Variants in CFAP299 observed in about 807,000 individuals in gnomAD.
CFAP299 encodes cilia and flagella associated protein 299, also known as cilia- and flagella-associated protein 299.
CFAP299 carries 21 observed loss-of-function variants against 27.0 expected under a neutral mutation model. That is an observed-to-expected ratio of 0.78 (90% CI 0.55 to 1.12). The LOEUF (loss-of-function observed/expected upper bound fraction) is 1.12, where lower values mean the gene tolerates loss of function less well. CFAP299 is among the 50% of genes most tolerant of loss of function. The pLI is 0.00. For missense variants in CFAP299, 310 were observed against 276.6 expected, an observed-to-expected ratio of 1.12 and a Z score of -0.86; for synonymous variants, 104 against 98.1, an observed-to-expected ratio of 1.06 and a Z score of -0.36.
intron 3 of CFAP299, among the ~76,000 whole-genome samples, chr4:80,800,590 TA>T (rs1728492723): frequency 1.1e-5 from 1 of 91,964 alleles, no homozygotes; most frequent in Non-Finnish European, 1.9e-5. Flanking sequence ...ATATAATATA[TA>T]ATATATTAAT....
At chr4:80,954,836 A>G (rs1033661104) in intron 5 of CFAP299, among the ~76,000 whole-genome samples, 2 of 151,404 alleles carry the variant, frequency 1.3e-5, no homozygotes, top group Non-Finnish European at 2.9e-5. Context: ...TGTCTCTACT[A>G]AAAAATACAA....
chr4:80,451,002 T>C (rs1345531579), intron 2 of CFAP299, among the ~76,000 whole-genome samples: 1 of 151,928 alleles, frequency 6.6e-6, no homozygotes, highest in Non-Finnish European at 1.5e-5. Flanking sequence ...ATCCAGCCTA[T>C]GATCACATTC....
intron 4 of CFAP299, among the ~76,000 whole-genome samples, chr4:80,891,790 A>AAAT (rs775460021): frequency 0.041 from 3,591 of 87,650 alleles, 145 homozygotes; most frequent in East Asian, 0.14. Flanking sequence ...AAAAAAAAAT[A>AAAT]AAAAAAAAAA....
At chr4:80,505,427 A>C (rs1416716177) in intron 2 of CFAP299, among the ~76,000 whole-genome samples, 2 of 152,240 alleles carry the variant, frequency 1.3e-5, no homozygotes, top group Non-Finnish European at 2.9e-5. Flanking sequence ...AGACAATGGC[A>C]TAAAATTTTA....
chr4:80,639,656 C>A (rs1243777223), intron 3 of CFAP299: 1 of 151,386 alleles, frequency 6.6e-6, no homozygotes, highest in Non-Finnish European at 1.5e-5. Context: ...GGGAAGAATG[C>A]AGAGTTATGT....
intron 3 of CFAP299, among the ~76,000 whole-genome samples, chr4:80,863,970 T>C (rs1018048952): frequency 2.0e-5 from 3 of 152,034 alleles, no homozygotes; most frequent in African/African-American, 7.2e-5. Flanking sequence ...GAAAAGAGAC[T>C]CTATAGAGAT....
intron 3 of CFAP299, among the ~76,000 whole-genome samples, chr4:80,844,062 G>T (rs1731023350): frequency 6.6e-6 from 1 of 152,064 alleles, no homozygotes; most frequent in Non-Finnish European, 1.5e-5. Flanking sequence ...CTTCATCCAT[G>T]TCTCTACAAA....
At chr4:80,734,474 G>A (rs903666369) in intron 3 of CFAP299, among the ~76,000 whole-genome samples, 3 of 152,038 alleles carry the variant, frequency 2.0e-5, no homozygotes, top group Non-Finnish European at 1.5e-5. Context: ...AACTTGATGT[G>A]ATCCCGTTTG....
At chr4:80,455,712 C>T (rs922795082) in intron 2 of CFAP299, among the ~76,000 whole-genome samples, 2 of 151,974 alleles carry the variant, frequency 1.3e-5, no homozygotes, top group African/African-American at 4.8e-5. Flanking sequence ...CTTAAAATAC[C>T]TTTAAGGTTT....
At chr4:80,362,648 T>A (rs1265709511) in intron 1 of CFAP299, 106 bp from the exon 2 acceptor site, 1 of 1,200,974 alleles carries the variant, frequency 8.3e-7, no homozygotes, top group African/African-American at 1.5e-5. Context: ...TAATTTTTCA[T>A]TTAAAGCAAT....
At chr4:80,664,453 C>G (rs899727575) in intron 3 of CFAP299, among the ~76,000 whole-genome samples, 6 of 152,144 alleles carry the variant, frequency 3.9e-5, no homozygotes, top group African/African-American at 1.4e-4. Context: ...GAGGAGGAAT[C>G]TAGAGAGGCA....
At chr4:80,841,046 A>C (rs1578172591) in intron 3 of CFAP299, among the ~76,000 whole-genome samples, 1 of 152,168 alleles carries the variant, frequency 6.6e-6, no homozygotes, top group Admixed American at 6.6e-5. Flanking sequence ...ATAAAGAAAG[A>C]TGTATAATTA....
chr4:80,390,913 A>ATACACACATATGTATATATGTATG (rs1725423126), intron 2 of CFAP299, among the ~76,000 whole-genome samples: 1 of 67,466 alleles, frequency 1.5e-5, no homozygotes, highest in Non-Finnish European at 4.0e-5. Flanking sequence ...ATATATGTAT[A>ATACACACATATGTATATATGTATG]TACACACATA....
At chr4:80,396,553 T>C (rs189032036) in intron 2 of CFAP299, among the ~76,000 whole-genome samples, 7 of 152,326 alleles carry the variant, frequency 4.6e-5, no homozygotes, top group Middle Eastern at 3.4e-3. Context: ...TACATTAACC[T>C]GCTAGTAGAT....
intron 2 of CFAP299, among the ~76,000 whole-genome samples, chr4:80,478,717 CTT>C (rs1450010040): frequency 6.6e-6 from 1 of 150,578 alleles, no homozygotes; most frequent in Non-Finnish European, 1.5e-5. Context: ...AAGTTTGACT[CTT>C]TGTCTTAATA....
chr4:80,339,470 G>C (rs1722333324), intron 1 of CFAP299, among the ~76,000 whole-genome samples: 1 of 152,150 alleles, frequency 6.6e-6, no homozygotes. Flanking sequence ...TAGGAAGAAA[G>C]AGAAATGTGG....
chr4:80,894,319 T>C (rs114134515), intron 4 of CFAP299, among the ~76,000 whole-genome samples: 75 of 152,154 alleles, frequency 4.9e-4, no homozygotes, highest in Non-Finnish European at 8.0e-4. Context: ...GAATTATTTA[T>C]ATGCTTATTA....
chr4:80,859,158 T>C (rs1168368773), intron 3 of CFAP299, among the ~76,000 whole-genome samples: 1 of 152,220 alleles, frequency 6.6e-6, no homozygotes, highest in Non-Finnish European at 1.5e-5. Context: ...CCTTTCCCAT[T>C]ATGTAATGGT....
At chr4:80,447,130 GTT>G (rs1553923883) in intron 2 of CFAP299, among the ~76,000 whole-genome samples, 77 of 105,278 alleles carry the variant, frequency 7.3e-4, no homozygotes, top group African/African-American at 3.0e-3. Flanking sequence ...TTTTTTTTTT[GTT>G]TTTTTTTTTT....
Sources: allele counts gnomAD v4.1 joint callset (sites outside exome capture counted in the v4.1 genomes callset), GRCh38; gene constraint gnomAD v4.1.1; transcripts MANE v1.5; gene names NCBI Gene and HGNC (gene_info 2026-07-23, HGNC 2026-07-21).